RBFOX1: variants seen among roughly 807,000 people sequenced by gnomAD.
The protein encoded by RBFOX1 is RNA binding fox-1 homolog 1.
In RBFOX1, 8 loss-of-function variants were observed where a neutral mutation model predicts 57.7. The ratio of observed to expected loss-of-function variants is 0.14; its 90% confidence interval spans 0.08 to 0.25. The LOEUF (loss-of-function observed/expected upper bound fraction) is 0.25, where lower values mean the gene tolerates loss of function less well. Ranked by LOEUF, RBFOX1 falls within the 10% of genes least tolerant of loss-of-function variation. The probability of loss-of-function intolerance (pLI) is 1.00; values close to 1 mark genes in which losing one functional copy is unlikely to be tolerated. For synonymous variants in RBFOX1, 326 were observed against 222.4 expected (o/e 1.47, Z -4.15); for missense variants, 611 against 548.5 (o/e 1.11, Z -1.14).
chr16:7,512,377 A>G (rs2075324668), intron 4 of RBFOX1, among the ~76,000 whole-genome samples: 1 of 152,246 alleles, frequency 6.6e-6, no homozygotes, highest in Admixed American at 6.5e-5. Flanking sequence ...AAACAAAGAC[A>G]TCTCTGGAGC....
Position 5,947,191 on chromosome 16 carries a change from G to C in RBFOX1, c.351+79856G>C, listed in dbSNP as rs2059417227. 6.6e-6 allele frequency among the ~76,000 whole-genome samples: 1 copy of C among 152,168 alleles called. No individual in the cohort carries two copies. On this transcript the variant is annotated intron_variant, in intron 4 of 19. Transcript: ENST00000641259. This position sits in a 1 kb window ranked among gnomAD's most constrained non-coding sequence, Gnocchi z 7.2. ...TGATTCTGCCACTGCTCTCCAGCCT[G>C]GGTGGCAGAGTGAGACTCTGTCTCT...
At chr16:6,380,921 T>A (rs1302770070) in intron 2 of RBFOX1, among the ~76,000 whole-genome samples, 1 of 152,020 alleles carries the variant, frequency 6.6e-6, no homozygotes, top group Non-Finnish European at 1.5e-5. Context: ...AAACCAAAGG[T>A]CCTCATATTT....
chr16:5,436,780 G>C (rs1446754145), intron 1 of RBFOX1, among the ~76,000 whole-genome samples: 1 of 152,224 alleles, frequency 6.6e-6, no homozygotes, highest in African/African-American at 2.4e-5. Flanking sequence ...GGAGGTTGCA[G>C]CGAGCTGAGA....
intron 4 of RBFOX1, among the ~76,000 whole-genome samples, chr16:7,065,253 G>T (rs79994603): frequency 0.05 from 7,611 of 152,202 alleles, 323 homozygotes; most frequent in East Asian, 0.2. Flanking sequence ...TAGCTTTCTT[G>T]TAGCGAAGGT....
At chr16:7,669,511 T>C (rs1213180011) in intron 13 of RBFOX1, among the ~76,000 whole-genome samples, 2 of 152,180 alleles carry the variant, frequency 1.3e-5, no homozygotes, top group African/African-American at 4.8e-5. Flanking sequence ...TCCTTTTTAT[T>C]AAGAACATCC....
chr16:7,282,041 G>A (rs1451228702), intron 4 of RBFOX1, among the ~76,000 whole-genome samples: 2 of 149,508 alleles, frequency 1.3e-5, no homozygotes, highest in East Asian at 2.0e-4. Flanking sequence ...ATTTTTTTTT[G>A]TATTTTTTGT....
intron 4 of RBFOX1, among the ~76,000 whole-genome samples, chr16:7,287,273 T>C (rs1181561343): frequency 6.6e-6 from 1 of 152,190 alleles, no homozygotes. Context: ...AATGAGGTTT[T>C]CCCGACAAAG....
At chr16:7,295,171 A>C (rs1276402424) in intron 4 of RBFOX1, among the ~76,000 whole-genome samples, 1 of 152,206 alleles carries the variant, frequency 6.6e-6, no homozygotes, top group African/African-American at 2.4e-5. Context: ...CATTCATTTG[A>C]TTCATTAGCA....
chr16:7,105,203 G>T (rs538488089), intron 4 of RBFOX1, among the ~76,000 whole-genome samples: 1 of 151,828 alleles, frequency 6.6e-6, no homozygotes, highest in Non-Finnish European at 1.5e-5. Context: ...CTTGGCAGTA[G>T]TCTATGGAGA....
intron 14 of RBFOX1, among the ~76,000 whole-genome samples, chr16:7,692,465 C>G (rs2077557934): frequency 4.6e-5 from 7 of 152,078 alleles, no homozygotes; most frequent in Admixed American, 6.6e-5. Flanking sequence ...ATGCATTTAT[C>G]TTGGTTCTTG....
intron 3 of RBFOX1, among the ~76,000 whole-genome samples, chr16:6,714,578 G>A (rs1191976748): frequency 6.6e-6 from 1 of 152,070 alleles, no homozygotes; most frequent in African/African-American, 2.4e-5. Context: ...TGCTTTTCCT[G>A]CTGCACAGGT....
chr16:5,705,525 C>A (rs998745434), intron 3 of RBFOX1, among the ~76,000 whole-genome samples: 1 of 152,138 alleles, frequency 6.6e-6, no homozygotes, highest in Non-Finnish European at 1.5e-5. Context: ...TTTTAAACAC[C>A]TCTGTAATCA....
rs552145404 is a variant in RBFOX1 at position 5,550,224 on chromosome 16, G to C, written c.259-48678G>C. On this transcript the variant is annotated intron_variant, in intron 2 of 2. Coordinates refer to the RBFOX1 transcript ENST00000585867. ...CTAAAGGAGGTTTCTGGAGGACATTGTAGGGTAGGACTGAACTGTAGGATC... is the reference window on the plus strand; with the variant it reads ...CTAAAGGAGGTTTCTGGAGGACATTCTAGGGTAGGACTGAACTGTAGGATC... Among the ~76,000 whole-genome samples the C allele has an allele frequency of 4.6e-5, 7 of 152,334 alleles. No individual in the cohort carries two copies. In the South Asian group the frequency reaches 1.4e-3, roughly 32 times the overall value.
intron 4 of RBFOX1, among the ~76,000 whole-genome samples, chr16:7,478,664 C>G (rs935161465): frequency 6.6e-6 from 1 of 152,168 alleles, no homozygotes; most frequent in Non-Finnish European, 1.5e-5. Context: ...TGCCAGCTTT[C>G]CGCTATATGC....
At chr16:5,915,831 A>T (rs1266721583) in intron 4 of RBFOX1, among the ~76,000 whole-genome samples, 1 of 150,322 alleles carries the variant, frequency 6.7e-6, no homozygotes, top group Non-Finnish European at 1.5e-5. Context: ...GACTCAGTAT[A>T]AAAAGAAAAA....
At chr16:6,787,307 T>C (rs1156990184) in intron 3 of RBFOX1, among the ~76,000 whole-genome samples, 11 of 152,218 alleles carry the variant, frequency 7.2e-5, no homozygotes, top group Admixed American at 7.2e-4. Context: ...AGGTTGGTCC[T>C]GCCATGTTCG....
Position 6,019,659 on chromosome 16 carries a change from C to G in RBFOX1, c.-460C>G. ...AGGGGACAGCCAGCCGTGGGCCCCG[C>G]CCCGGCGTCCGGAGCAGGAGAACTC... On this transcript the variant is annotated 5_prime_UTR_variant, in exon 1 of 16. Coordinates refer to ENST00000550418, the MANE Select transcript of RBFOX1 (RefSeq NM_018723.4). The surrounding 1 kb of genome is among the most constrained non-coding windows in gnomAD (Gnocchi z 4.2). 3.1e-6 allele frequency: 4 copies of G among 1,302,126 alleles called. No homozygotes were observed. Among genetic ancestry groups the G allele is most frequent in the Non-Finnish European group, 3.9e-6 (4 of 1,025,196 alleles). 80.7% of individuals were successfully genotyped at this position (1,302,126 alleles called of 1,614,324 possible). A position where few individuals can be genotyped will look rare whatever the true frequency, so the allele number is the denominator to read the frequency against.
At chr16:5,852,709 A>T (rs951441181) in intron 3 of RBFOX1, among the ~76,000 whole-genome samples, 1 of 152,124 alleles carries the variant, frequency 6.6e-6, no homozygotes, top group African/African-American at 2.4e-5. Context: ...TCATACCCAT[A>T]ATCCCAGCAC....
At chr16:6,640,818 C>G (rs1192315821) in intron 2 of RBFOX1, among the ~76,000 whole-genome samples, 1 of 152,068 alleles carries the variant, frequency 6.6e-6, no homozygotes, top group Non-Finnish European at 1.5e-5. Context: ...CTGGGCCTCT[C>G]TGACTAGTCC....
Sources: allele counts gnomAD v4.1 joint callset (sites outside exome capture counted in the v4.1 genomes callset), GRCh38; gene constraint gnomAD v4.1.1; non-coding constraint Gnocchi (gnomAD v3.1); transcripts MANE v1.5; gene names NCBI Gene and HGNC (gene_info 2026-07-23, HGNC 2026-07-21).